The following KSR2 variants were observed in gnomAD, a reference collection of about 807,000 sequenced individuals.
The protein encoded by KSR2 is kinase suppressor of ras 2.
KSR2 carries 25 observed loss-of-function variants against 107.8 expected under a neutral mutation model. That is an observed-to-expected ratio of 0.23 (90% CI 0.17 to 0.32). The LOEUF (loss-of-function observed/expected upper bound fraction) is 0.32, where lower values mean the gene tolerates loss of function less well. Ranked by LOEUF, KSR2 falls within the 10% of genes least tolerant of loss-of-function variation. KSR2 has a pLI of 1.00. For synonymous variants in KSR2, 480 were observed against 507.0 expected, an observed-to-expected ratio of 0.95 and a Z score of 0.71; for missense variants, 887 against 1,268.9, an observed-to-expected ratio of 0.70 and a Z score of 4.57.
intron 4 of KSR2, among the ~76,000 whole-genome samples, chr12:117,695,977 G>A (rs938241192): frequency 6.6e-5 from 10 of 152,212 alleles, no homozygotes; most frequent in Non-Finnish European, 1.5e-5. Context: ...CCAGCACAGT[G>A]AGAGAAGCCA....
chr12:117,901,097 G>C (rs2137393698), intron 1 of KSR2, among the ~76,000 whole-genome samples: 1 of 152,260 alleles, frequency 6.6e-6, no homozygotes, highest in African/African-American at 2.4e-5. Flanking sequence ...GAATGAAACA[G>C]TGCACAGTGC....
intron 1 of KSR2, among the ~76,000 whole-genome samples, chr12:117,863,866 A>G (rs565646964): frequency 6.6e-6 from 1 of 151,884 alleles, no homozygotes; most frequent in Admixed American, 6.6e-5. Flanking sequence ...CACTTCCTCT[A>G]TCACCACATC....
intron 7 of KSR2, among the ~76,000 whole-genome samples, chr12:117,559,753 T>C (rs1335618815): frequency 6.6e-6 from 1 of 152,204 alleles, no homozygotes; most frequent in African/African-American, 2.4e-5. Context: ...TTCACAAAGA[T>C]AATAAAATTC....
intron 4 of KSR2, among the ~76,000 whole-genome samples, chr12:117,726,237 A>C (rs1887420253): frequency 6.6e-6 from 1 of 152,232 alleles, no homozygotes; most frequent in African/African-American, 2.4e-5. Flanking sequence ...AATAAGCATG[A>C]GATTTAAATA....
At chr12:117,477,155 A>G (rs957845530) in intron 16 of KSR2, among the ~76,000 whole-genome samples, 1 of 152,088 alleles carries the variant, frequency 6.6e-6, no homozygotes, top group Admixed American at 6.6e-5. Context: ...TTCTTATGCT[A>G]CTCTGCACTG....
At chr12:117,928,091 T>C (rs1207094915) in intron 1 of KSR2, among the ~76,000 whole-genome samples, 1 of 152,150 alleles carries the variant, frequency 6.6e-6, no homozygotes, top group African/African-American at 2.4e-5. Context: ...ACAGTATTTG[T>C]CCTTTTGGAT....
intron 1 of KSR2, among the ~76,000 whole-genome samples, chr12:117,956,772 A>T (rs4767646): frequency 0.4 from 60,530 of 151,308 alleles, 13,418 homozygotes; most frequent in East Asian, 0.58. Context: ...TCTTAAAAAA[A>T]TTTTTTTTAA....
intron 5 of KSR2, 105 bp from the exon 6 acceptor site, chr12:117,582,464 A>G: frequency 1.2e-6 from 1 of 813,760 alleles, no homozygotes; most frequent in Non-Finnish European, 2.1e-6. Context: ...CAGGAAGGAT[A>G]CCAGTTGCCA....
intron 5 of KSR2, among the ~76,000 whole-genome samples, chr12:117,618,500 T>C (rs1882003072): frequency 6.6e-6 from 1 of 151,958 alleles, no homozygotes; most frequent in Admixed American, 6.6e-5. Flanking sequence ...CTTTCTGGAG[T>C]CATGGCCTGA....
chr12:117,529,683 C>T (rs1419569530), intron 12 of KSR2, among the ~76,000 whole-genome samples: 1 of 151,872 alleles, frequency 6.6e-6, no homozygotes, highest in African/African-American at 2.4e-5. Context: ...AATTATTCTA[C>T]ATCAATATGT....
chr12:117,616,844 T>C (rs1881918144), intron 5 of KSR2, among the ~76,000 whole-genome samples: 1 of 152,234 alleles, frequency 6.6e-6, no homozygotes, highest in Non-Finnish European at 1.5e-5. Flanking sequence ...AATTCTTGGA[T>C]AGAAAGCCAG....
In KSR2 at chr12:117,859,041, G is replaced by A. The variant is rs369384134; in HGVS notation, c.321+1250C>T. ...ACAATCCTCAAGATGTTAAGAACGT[G>A]GTCTAATCTTTGAGAGCGGACATAA... On this transcript the variant is annotated intron_variant, in intron 2 of 19. Transcript: ENST00000339824. Among the ~76,000 whole-genome samples the A allele has an allele frequency of 4.6e-5, 7 of 151,910 alleles. No homozygotes were observed. In the East Asian group the frequency reaches 9.7e-4, roughly 21 times the overall value.
At chr12:117,839,620 A>G (rs1892380603) in intron 3 of KSR2, among the ~76,000 whole-genome samples, 3 of 152,228 alleles carry the variant, frequency 2.0e-5, no homozygotes, top group Admixed American at 6.5e-5. Context: ...GGAGATTTAG[A>G]TATCAAAGCA....
chr12:117,590,842 C>A (rs112426605), intron 5 of KSR2, among the ~76,000 whole-genome samples: 1 of 152,226 alleles, frequency 6.6e-6, no homozygotes, highest in African/African-American at 2.4e-5. Context: ...TGTGCCAAGT[C>A]CTGATTTAGA....
At chr12:117,471,109 T>G in intron 18 of KSR2, 82 bp downstream of exon 18, 1 of 1,548,312 alleles carries the variant, frequency 6.5e-7, no homozygotes, top group Non-Finnish European at 8.8e-7. Flanking sequence ...ATTTGTAACC[T>G]TAACACATAG....
chr12:117,488,349 G>T (rs1358849493), intron 14 of KSR2, among the ~76,000 whole-genome samples: 1 of 152,164 alleles, frequency 6.6e-6, no homozygotes, highest in Non-Finnish European at 1.5e-5. Context: ...CCCTACACAT[G>T]CACTAGAATG....
intron 3 of KSR2, among the ~76,000 whole-genome samples, chr12:117,771,625 A>G (rs1008364688): frequency 6.6e-6 from 1 of 152,146 alleles, no homozygotes; most frequent in African/African-American, 2.4e-5. Flanking sequence ...CGTTTCATTT[A>G]ATCTTCAGAA....
intron 1 of KSR2, among the ~76,000 whole-genome samples, chr12:117,906,237 C>T (rs1241665757): frequency 1.3e-5 from 2 of 151,400 alleles, no homozygotes; most frequent in African/African-American, 4.9e-5. Context: ...CCTGTAATCC[C>T]AGCTACTTGG....
intron 5 of KSR2, among the ~76,000 whole-genome samples, chr12:117,642,023 C>G (rs1883392459): frequency 1.3e-5 from 2 of 152,180 alleles, no homozygotes; most frequent in South Asian, 4.1e-4. Context: ...CATCCCATCC[C>G]CGTTCATCAT....
Sources: gnomAD v4.1 joint callset for allele counts (sites outside exome capture counted in the v4.1 genomes callset) on GRCh38, gnomAD v4.1.1 for gene constraint, MANE v1.5 for transcripts, NCBI Gene and HGNC (gene_info 2026-07-23, HGNC 2026-07-21) for gene names.